Variants in FNDC3A observed in about 807,000 individuals in gnomAD.
FNDC3A encodes the protein fibronectin type-III domain-containing protein 3A.
A neutral mutation model predicts 148.9 loss-of-function variants in FNDC3A; 32 were observed. That is an observed-to-expected ratio of 0.21 (90% confidence interval 0.16 to 0.29). The LOEUF (loss-of-function observed/expected upper bound fraction) is 0.29. FNDC3A is among the 10% of genes least tolerant of loss of function. FNDC3A has a pLI of 1.00. For synonymous variants in FNDC3A, 472 were observed against 473.6 expected, an observed-to-expected ratio of 1.00 and a Z score of 0.04; for missense variants, 1,191 against 1,452.8, an observed-to-expected ratio of 0.82 and a Z score of 2.93.
chr13:49,010,127 A>T (rs1027934058), intron 2 of FNDC3A, among the ~76,000 whole-genome samples: 7 of 152,224 alleles, frequency 4.6e-5, no homozygotes, highest in African/African-American at 1.7e-4. Flanking sequence ...AGAAGGCATG[A>T]GGAGAAAGCC....
chr13:49,118,379 C>T (rs1028685503), intron 4 of FNDC3A, among the ~76,000 whole-genome samples: 3 of 152,170 alleles, frequency 2.0e-5, no homozygotes, highest in African/African-American at 4.8e-5. Context: ...AGATTCCCTT[C>T]GGTGCCTATA....
At position 48,996,499 on chromosome 13, in the gene FNDC3A, G is replaced by A. The variant is rs114284119; in HGVS notation, c.-39-9653G>A. 1.0e-2 allele frequency among the ~76,000 whole-genome samples: 1,519 copies of A among 152,218 alleles called. 21 individuals are homozygous for A. The highest frequency in any genetic ancestry group is 0.035 in the African/African-American group (1,447 of 41,516). ...TAAACAATACAGTGTCACTATTTAC[G>A]TAGCATTTATATTGTATTAGGTATT... is the stretch of plus-strand genomic sequence containing the variant. On this transcript the variant is annotated intron_variant, in intron 1 of 25. Transcript: ENST00000492622.
At chr13:49,089,156 C>T (rs967116461) in intron 3 of FNDC3A, among the ~76,000 whole-genome samples, 1 of 152,040 alleles carries the variant, frequency 6.6e-6, no homozygotes, top group African/African-American at 2.4e-5. Context: ...TAATATTGAA[C>T]CATACACTTA....
chr13:49,101,616 CTCT>C (rs917062476), intron 3 of FNDC3A, among the ~76,000 whole-genome samples: 5 of 151,984 alleles, frequency 3.3e-5, no homozygotes, highest in Non-Finnish European at 5.9e-5. Flanking sequence ...TCAAAATCAA[CTCT>C]TCTTTTAATT....
intron 7 of FNDC3A, among the ~76,000 whole-genome samples, chr13:49,143,787 T>A (rs1432847559): frequency 1.3e-5 from 2 of 152,058 alleles, no homozygotes; most frequent in Non-Finnish European, 2.9e-5. Flanking sequence ...ATCTTGTGCT[T>A]CCCTATTTAA....
chr13:49,126,708 A>ACT (rs1881722247), intron 4 of FNDC3A, among the ~76,000 whole-genome samples: 1 of 152,210 alleles, frequency 6.6e-6, no homozygotes. Flanking sequence ...ACCCTGGGCA[A>ACT]GTTATTTAAC....
At chr13:48,993,976 A>G (rs942244390) in intron 1 of FNDC3A, among the ~76,000 whole-genome samples, 8 of 152,242 alleles carry the variant, frequency 5.3e-5, no homozygotes, top group Non-Finnish European at 1.0e-4. Context: ...CTAGAATGAT[A>G]TTACATTTGT....
intron 2 of FNDC3A, among the ~76,000 whole-genome samples, chr13:49,060,976 A>G (rs1017099955): frequency 2.0e-5 from 3 of 152,144 alleles, no homozygotes; most frequent in Non-Finnish European, 4.4e-5. Context: ...ACACTTTAAT[A>G]TGGTTAATTT....
In FNDC3A at chr13:49,039,113, G is replaced by C. The variant is rs80060739; in HGVS notation, c.99+32824G>C. Reference sequence around the variant, plus strand: ...TTATTTTTCCTGTTCTCTTTTGTATGTAAGAAACTTAGACTGATAGATATT... The same window carrying C: ...TTATTTTTCCTGTTCTCTTTTGTATCTAAGAAACTTAGACTGATAGATATT... On this transcript the variant is annotated intron_variant, in intron 2 of 25. Coordinates refer to ENST00000492622, the MANE Select transcript of FNDC3A (RefSeq NM_001079673.2). Among the ~76,000 whole-genome samples, 796 of 152,230 alleles carry C rather than the reference G, an allele frequency of 5.2e-3. 11 individuals carry two copies. The highest frequency in any genetic ancestry group is 4.1e-3 in the Non-Finnish European group (278 of 68,024).
In FNDC3A at chr13:49,204,401, T is replaced by TA. The variant is rs565739532; in HGVS notation, c.3282+1125dup. On this transcript the variant is annotated intron_variant, in intron 25 of 25. Coordinates refer to ENST00000492622, the MANE Select transcript of FNDC3A (RefSeq NM_001079673.2). Reference sequence around the variant, plus strand: ...TGTGTCTTATATTTTCCTCTTCCACTAAAAAAAAGATCCTTCATTTGTTTT... The same window carrying TA: ...TGTGTCTTATATTTTCCTCTTCCACTAAAAAAAAAGATCCTTCATTTGTTTT... Among the ~76,000 whole-genome samples the TA allele has an allele frequency of 7.0e-3, 1,058 of 151,908 alleles. 6 individuals are homozygous for TA. Among genetic ancestry groups the TA allele is most frequent in the South Asian group, 0.023 (109 of 4,822 alleles).
chr13:49,121,915 G>C (rs1389295897), intron 4 of FNDC3A, among the ~76,000 whole-genome samples: 1 of 152,136 alleles, frequency 6.6e-6, no homozygotes, highest in Non-Finnish European at 1.5e-5. Context: ...AATTCTACCA[G>C]AGGTACAAAG....
In FNDC3A at chr13:49,197,987, G is replaced by A. The variant is rs761569074; in HGVS notation, c.2496G>A (p.Leu832=). The part of the protein sequence containing the change: ...ATTYYCRVQA[L]SVVGAGPFSE... The stretch of plus-strand genomic sequence containing the variant: ...GAGGCTCTGTTAATTTGTAGGCTCT[G>A]AGTGTTGTGGGTGCAGGCCCTTTCA... Residue 832 remains leucine (L), a synonymous_variant, in exon 22 of 26, where the codon CTG becomes CTA. Transcript: ENST00000492622. 1.9e-6 allele frequency: 3 copies of A among 1,611,844 alleles called. No homozygotes were observed. The Admixed American group carries it at 5.0e-5, about 27-fold the overall frequency.
chr13:49,168,867 A>C lies in FNDC3A; in HGVS notation c.1176+116A>C, dbSNP rs537441867. On this transcript the variant is annotated intron_variant, in intron 10 of 25. Coordinates refer to ENST00000492622, the MANE Select transcript of FNDC3A (RefSeq NM_001079673.2). ...GAGCTTTAATTTGTTCCTGCTTTTT[A>C]CATATAAGACACAAATGCCTATTTA... 4.5e-6 allele frequency: 4 copies of C among 897,354 alleles called. No homozygotes were observed. In the African/African-American group the frequency reaches 6.7e-5, roughly 15 times the overall value. 55.6% of individuals were successfully genotyped at this position (897,354 alleles called of 1,614,324 possible). A position where few individuals can be genotyped will look rare whatever the true frequency, so the allele number is the denominator to read the frequency against.
At chr13:49,053,184 T>C (rs1317950130) in intron 2 of FNDC3A, among the ~76,000 whole-genome samples, 1 of 152,214 alleles carries the variant, frequency 6.6e-6, no homozygotes, top group Non-Finnish European at 1.5e-5. Flanking sequence ...TCACAGTTTT[T>C]CGGCATTTTG....
chr13:49,197,985 C>T lies in FNDC3A; in HGVS notation c.2494C>T (p.Leu832=). The change falls in exon 22 of 26, where the codon CTG becomes TTG. Residue 832 remains leucine, a synonymous_variant. Transcript: ENST00000492622. Reference sequence around the variant, plus strand: ...CGGAGGCTCTGTTAATTTGTAGGCTCTGAGTGTTGTGGGTGCAGGCCCTTT... The same window carrying T: ...CGGAGGCTCTGTTAATTTGTAGGCTTTGAGTGTTGTGGGTGCAGGCCCTTT... The part of the protein sequence containing the change: ...ATTYYCRVQA[L]SVVGAGPFSE... The T allele has an allele frequency of 2.5e-6, 4 of 1,611,364 alleles. No individual in the cohort carries two copies. Among genetic ancestry groups the T allele is most frequent in the Non-Finnish European group, 3.4e-6 (4 of 1,178,432 alleles).
Position 49,207,144 on chromosome 13 carries a change from T to A in FNDC3A, c.3346T>A (p.Phe1116Ile). Residue 1116 changes from phenylalanine (F) to isoleucine (I), a missense_variant, in exon 26 of 26, where the codon TTC becomes ATC. Physicochemically the swap from Phe to Ile is conservative, Grantham distance 21 (BLOSUM62 0). Around this residue, in one of 3 missense-constraint regions of FNDC3A, gnomAD observed 751 missense variants for 944.0 expected, o/e 0.80. Coordinates refer to ENST00000492622, the MANE Select transcript of FNDC3A (RefSeq NM_001079673.2). ...CCTTCAGCTGAACTGTGAATATCGC[T>A]TCCGTGTATGTGCCATTCGCCAGTG... ...SSLQLNCEYRFRVCAIRQCQD... is the reference protein window; with the variant it reads ...SSLQLNCEYRIRVCAIRQCQD... 6.2e-7 allele frequency: 1 copy of A among 1,614,204 alleles called. No individual in the cohort carries two copies. The highest frequency in any genetic ancestry group is 8.5e-7 in the Non-Finnish European group (1 of 1,180,016).
intron 20 of FNDC3A, among the ~76,000 whole-genome samples, chr13:49,197,468 T>G (rs1886209621): frequency 6.6e-6 from 1 of 152,202 alleles, no homozygotes; most frequent in African/African-American, 2.4e-5. Context: ...CATATTTACC[T>G]TAAAACACTC....
chr13:49,105,896 T>A (rs981523749), intron 3 of FNDC3A, among the ~76,000 whole-genome samples: 1 of 152,232 alleles, frequency 6.6e-6, no homozygotes, highest in Non-Finnish European at 1.5e-5. Flanking sequence ...TTTTTTTTAA[T>A]ATAACTTAGA....
At position 48,991,711 on chromosome 13, in the gene FNDC3A, AAAAG is replaced by A. The variant is rs570939948; in HGVS notation, c.-39-14439_-39-14436del. ...TCAAAAAAAAGAAAAAAGGAAAAAA[AAAAG>A]AGAGAGAATGTTTCTGAATATATGC... On this transcript the variant is annotated intron_variant, in intron 1 of 25. Coordinates refer to ENST00000492622, the MANE Select transcript of FNDC3A (RefSeq NM_001079673.2). 1.2e-4 allele frequency among the ~76,000 whole-genome samples: 18 copies of A among 152,236 alleles called. No homozygotes were observed. In the South Asian group the frequency reaches 3.3e-3, roughly 28 times the overall value.
Sources: gnomAD v4.1 joint callset for allele counts (sites outside exome capture counted in the v4.1 genomes callset) on GRCh38, gnomAD v4.1.1 for gene constraint, gnomAD v4.1.1 regional missense constraint, MANE v1.5 for transcripts, NCBI Gene and HGNC (gene_info 2026-07-23, HGNC 2026-07-21) for gene names.